The following POFUT3 variants were observed in gnomAD, a reference collection of about 807,000 sequenced individuals.
The protein encoded by POFUT3 is protein O-fucosyltransferase 3.
chr8:33,466,162 G>C, the POFUT3 span, among the ~76,000 whole-genome samples: 1 of 152,100 alleles, frequency 6.6e-6, no homozygotes, highest in Non-Finnish European at 1.5e-5. Context: ...AGCCAGCCAG[G>C]TGCGGTGGTT....
At chr8:33,414,265 A>T in the POFUT3 span, among the ~76,000 whole-genome samples, 1 of 151,962 alleles carries the variant, frequency 6.6e-6, no homozygotes, top group African/African-American at 2.4e-5. Flanking sequence ...CTGCATAATA[A>T]AACAAACTTT....
At chr8:33,457,517 T>A in the POFUT3 span, among the ~76,000 whole-genome samples, 1 of 152,024 alleles carries the variant, frequency 6.6e-6, no homozygotes, top group Non-Finnish European at 1.5e-5. Context: ...CAACTCATTA[T>A]GAAAATTCTT....
At chr8:33,382,393 GTT>G in the POFUT3 span, among the ~76,000 whole-genome samples, 57 of 150,406 alleles carry the variant, frequency 3.8e-4, no homozygotes, top group East Asian at 9.7e-4. Context: ...CAGCAAGGTG[GTT>G]TTTTTTTTTA....
chr8:33,436,769 C>T, the POFUT3 span: 1 of 542,664 alleles, frequency 1.8e-6, no homozygotes, highest in Non-Finnish European at 3.4e-6. Flanking sequence ...TGACAAAACG[C>T]TAAAATAGCG....
the POFUT3 span, among the ~76,000 whole-genome samples, chr8:33,450,607 T>C: frequency 1.2e-4 from 19 of 152,134 alleles, no homozygotes; most frequent in African/African-American, 4.3e-4. Context: ...TCAGAGGCGT[T>C]GAGCTTGGAA....
At chr8:33,447,309 T>C in the POFUT3 span, among the ~76,000 whole-genome samples, 2 of 151,850 alleles carry the variant, frequency 1.3e-5, no homozygotes, top group Non-Finnish European at 1.5e-5. Flanking sequence ...ATTAGCCAAG[T>C]GTGGTGGCGG....
At chr8:33,316,812 A>C in the POFUT3 span, among the ~76,000 whole-genome samples, 1 of 151,870 alleles carries the variant, frequency 6.6e-6, no homozygotes, top group African/African-American at 2.4e-5. Context: ...GGTGACACAG[A>C]TTAAAGTGGA....
chr8:33,360,232 CAGG>C, the POFUT3 span, among the ~76,000 whole-genome samples: 1 of 152,038 alleles, frequency 6.6e-6, no homozygotes, highest in Non-Finnish European at 1.5e-5. Context: ...ATCGTGAGGT[CAGG>C]AGATCGAGAC....
the POFUT3 span, among the ~76,000 whole-genome samples, chr8:33,463,271 G>A: frequency 1.7e-4 from 26 of 152,208 alleles, no homozygotes; most frequent in African/African-American, 5.8e-4. Flanking sequence ...TTGGGAGGCC[G>A]AAGCAGGTGG....
chr8:33,464,332 C>T, the POFUT3 span, among the ~76,000 whole-genome samples: 1 of 152,108 alleles, frequency 6.6e-6, no homozygotes, highest in Non-Finnish European at 1.5e-5. Flanking sequence ...ATTGGCAAGG[C>T]CTTTCCTAAG....
chr8:33,467,042 G>T, the POFUT3 span, among the ~76,000 whole-genome samples: 1 of 151,940 alleles, frequency 6.6e-6, no homozygotes, highest in Non-Finnish European at 1.5e-5. Context: ...GGAGGCAGAG[G>T]TTGCAGTGAC....
chr8:33,317,486 T>C, the POFUT3 span, among the ~76,000 whole-genome samples: 1 of 152,110 alleles, frequency 6.6e-6, no homozygotes, highest in Non-Finnish European at 1.5e-5. Flanking sequence ...CTATGACCAG[T>C]AAGCCCTCAC....
At chr8:33,419,933 G>C in the POFUT3 span, among the ~76,000 whole-genome samples, 1 of 152,120 alleles carries the variant, frequency 6.6e-6, no homozygotes, top group Non-Finnish European at 1.5e-5. Flanking sequence ...TTCAAAGCCA[G>C]CCTGGTCAAC....
At chr8:33,445,203 G>T in the POFUT3 span, among the ~76,000 whole-genome samples, 1 of 152,042 alleles carries the variant, frequency 6.6e-6, no homozygotes, top group Non-Finnish European at 1.5e-5. Flanking sequence ...CAAAGGGCTG[G>T]GACTACAGGT....
the POFUT3 span, among the ~76,000 whole-genome samples, chr8:33,419,957 GTC>G: frequency 6.6e-6 from 1 of 151,920 alleles, no homozygotes; most frequent in Admixed American, 6.6e-5. Flanking sequence ...GTGAAACCCT[GTC>G]TCTACAAAAG....
chr8:33,372,876 C>G, the POFUT3 span: 2 of 1,402,608 alleles, frequency 1.4e-6, no homozygotes, highest in South Asian at 2.6e-5. Context: ...AAGCAACAGA[C>G]TTTCCTTAAA....
the POFUT3 span, chr8:33,455,903 GAA>G: frequency 7.6e-3 from 2,807 of 371,760 alleles, no homozygotes; most frequent in Non-Finnish European, 9.0e-3. Context: ...GGCCAAAAAA[GAA>G]AAAAAAAAAA....
chr8:33,326,025 G>T, the POFUT3 span, among the ~76,000 whole-genome samples: 1 of 152,216 alleles, frequency 6.6e-6, no homozygotes, highest in Non-Finnish European at 1.5e-5. Context: ...TTTGCATGGA[G>T]CTGCTGGGAC....
chr8:33,440,500 T>A, the POFUT3 span, among the ~76,000 whole-genome samples: 1 of 152,170 alleles, frequency 6.6e-6, no homozygotes, highest in Non-Finnish European at 1.5e-5. Flanking sequence ...TAACCCATAA[T>A]AGGTTTTTAG....
Sources: allele counts gnomAD v4.1 joint callset (sites outside exome capture counted in the v4.1 genomes callset), GRCh38; gene constraint gnomAD v4.1.1; transcripts MANE v1.5; gene names NCBI Gene and HGNC (gene_info 2026-07-23, HGNC 2026-07-21).